ROBO2: variants seen among roughly 807,000 people sequenced by gnomAD.
The protein encoded by ROBO2 is roundabout homolog 2.
A neutral mutation model predicts 160.8 loss-of-function variants in ROBO2; 53 were observed. The observed-to-expected ratio is 0.33, with a 90% confidence interval of 0.26 to 0.41. The LOEUF (loss-of-function observed/expected upper bound fraction) is 0.41, where lower values mean the gene tolerates loss of function less well. ROBO2 is among the 10% of genes least tolerant of loss of function. The pLI, the probability that ROBO2 is intolerant of heterozygous loss-of-function variation, is 1.00. For synonymous variants in ROBO2, 664 were observed against 611.7 expected (o/e 1.09, Z -1.26); for missense variants, 1,577 against 1,722.4 (o/e 0.92, Z 1.49).
intron 2 of ROBO2, among the ~76,000 whole-genome samples, chr3:76,055,593 T>C (rs964775034): frequency 6.6e-6 from 1 of 152,132 alleles, no homozygotes; most frequent in Non-Finnish European, 1.5e-5. Context: ...ATGTGAAATA[T>C]TTGATTTCCT....
intron 2 of ROBO2, among the ~76,000 whole-genome samples, chr3:77,389,563 G>A (rs2074493928): frequency 6.6e-6 from 1 of 151,778 alleles, no homozygotes; most frequent in Admixed American, 6.6e-5. Context: ...TGTTGTTTAA[G>A]GGTCAACAGT....
chr3:76,897,919 T>C (rs1302510892), intron 2 of ROBO2, among the ~76,000 whole-genome samples: 1 of 152,106 alleles, frequency 6.6e-6, no homozygotes, highest in Non-Finnish European at 1.5e-5. Flanking sequence ...TCATAACTGA[T>C]TTGTTGTTTG....
At chr3:76,449,756 C>T (rs1024469528) in intron 2 of ROBO2, among the ~76,000 whole-genome samples, 1 of 152,110 alleles carries the variant, frequency 6.6e-6, no homozygotes, top group Non-Finnish European at 1.5e-5. Flanking sequence ...AGGGCATTTA[C>T]ATTGAAGAGA....
At chr3:77,629,804 A>G (rs1238284025) in intron 23 of ROBO2, 2 of 152,248 alleles carry the variant, frequency 1.3e-5, no homozygotes, top group Non-Finnish European at 2.9e-5. Flanking sequence ...GAATTATAGA[A>G]TAATGAAAAC....
chr3:76,569,753 T>C (rs952499170), intron 2 of ROBO2, among the ~76,000 whole-genome samples: 1 of 152,180 alleles, frequency 6.6e-6, no homozygotes, highest in African/African-American at 2.4e-5. Flanking sequence ...ACTACCATTA[T>C]AGCCACCCCA....
At chr3:76,603,601 A>G (rs2087410979) in intron 2 of ROBO2, among the ~76,000 whole-genome samples, 1 of 151,762 alleles carries the variant, frequency 6.6e-6, no homozygotes, top group Non-Finnish European at 1.5e-5. Context: ...CCAAAATAAA[A>G]CCACTAGAAG....
chr3:76,194,979 G>A (rs1305803778), intron 2 of ROBO2, among the ~76,000 whole-genome samples: 2 of 152,066 alleles, frequency 1.3e-5, no homozygotes, highest in Non-Finnish European at 2.9e-5. Context: ...AAAAGGAGTA[G>A]TTCATTAATA....
Position 76,304,738 on chromosome 3 carries a change from T to TTTCCTTCCTTCCTTCTTTCTTTCTTTC in ROBO2, c.109+367138_109+367139insCCTTCCTTCCTTCTTTCTTTCTTTCTT, listed in dbSNP as rs749689673. Among the ~76,000 whole-genome samples the TTTCCTTCCTTCCTTCTTTCTTTCTTTC allele has an allele frequency of 2.8e-4, 8 of 29,086 alleles. No individual in the cohort carries two copies. The South Asian group carries it at 4.9e-3, about 18-fold the overall frequency. The allele number at this position is 29,086 out of a possible 152,430, so 19.1% of individuals were successfully genotyped here. ...TCTCTTTCTTTCTTTCTTTCTTTTC[T>TTTCCTTCCTTCCTTCTTTCTTTCTTTC]TTTCTTTCCTTCTTTCTTTCTTTCT... On this transcript the variant is annotated intron_variant, in intron 2 of 26. Coordinates refer to the ROBO2 transcript ENST00000487694.
At chr3:77,392,158 A>G (rs928892370) in intron 2 of ROBO2, among the ~76,000 whole-genome samples, 1 of 152,178 alleles carries the variant, frequency 6.6e-6, no homozygotes, top group Non-Finnish European at 1.5e-5. Context: ...AGTGGCTACA[A>G]TAATGAAATT....
At chr3:76,922,531 G>C (rs2076733671) in intron 2 of ROBO2, among the ~76,000 whole-genome samples, 1 of 152,106 alleles carries the variant, frequency 6.6e-6, no homozygotes, top group South Asian at 2.1e-4. Context: ...TTAAGCAGAA[G>C]GGTGAAGAGG....
At chr3:75,997,417 G>A (rs2065759650) in intron 2 of ROBO2, among the ~76,000 whole-genome samples, 1 of 151,780 alleles carries the variant, frequency 6.6e-6, no homozygotes, top group Admixed American at 6.6e-5. Context: ...AGAACTTTTG[G>A]AAATAATTTC....
intron 5 of ROBO2, among the ~76,000 whole-genome samples, chr3:77,494,722 A>T (rs912304127): frequency 3.9e-5 from 6 of 152,234 alleles, no homozygotes; most frequent in Non-Finnish European, 7.3e-5. Flanking sequence ...GTAAACATTC[A>T]TTTCAAAATC....
At chr3:77,251,658 G>T (rs2090361877) in intron 2 of ROBO2, among the ~76,000 whole-genome samples, 1 of 152,094 alleles carries the variant, frequency 6.6e-6, no homozygotes, top group African/African-American at 2.4e-5. Context: ...TCCCATAATT[G>T]TTGTTAGGAG....
chr3:77,057,813 C>T (rs2065908060), intron 1 of ROBO2, among the ~76,000 whole-genome samples: 1 of 151,892 alleles, frequency 6.6e-6, no homozygotes, highest in South Asian at 2.1e-4. Context: ...TCGTGATCCA[C>T]CCACTTCGAC....
intron 2 of ROBO2, among the ~76,000 whole-genome samples, chr3:76,877,007 C>CAT (rs34031051): frequency 0.16 from 24,431 of 151,736 alleles, 2,237 homozygotes; most frequent in South Asian, 0.24. Context: ...TCTACATATG[C>CAT]ATATATATAT....
At chr3:77,423,627 C>G (rs1037935122) in intron 2 of ROBO2, among the ~76,000 whole-genome samples, 2 of 152,126 alleles carry the variant, frequency 1.3e-5, no homozygotes, top group African/African-American at 4.8e-5. Flanking sequence ...TACTTTTCAT[C>G]TGTATGGTCT....
chr3:76,079,191 CA>C (rs1334543451), intron 2 of ROBO2, among the ~76,000 whole-genome samples: 7 of 152,006 alleles, frequency 4.6e-5, no homozygotes, highest in Non-Finnish European at 1.0e-4. Flanking sequence ...TTAATGAGTA[CA>C]AATATGGTTA....
intron 2 of ROBO2, among the ~76,000 whole-genome samples, chr3:76,991,126 C>T (rs541417369): frequency 2.1e-4 from 32 of 152,226 alleles, no homozygotes; most frequent in Middle Eastern, 3.4e-3. Flanking sequence ...ACTTTCACGA[C>T]GGCTCTAAAA....
chr3:77,053,810 T>A (rs2065449493), intron 1 of ROBO2, among the ~76,000 whole-genome samples: 1 of 151,976 alleles, frequency 6.6e-6, no homozygotes, highest in Non-Finnish European at 1.5e-5. Flanking sequence ...AATCTAGAAA[T>A]CTAACTAGAG....
Sources: allele counts gnomAD v4.1 joint callset (sites outside exome capture counted in the v4.1 genomes callset), GRCh38; gene constraint gnomAD v4.1.1; transcripts MANE v1.5; gene names NCBI Gene and HGNC (gene_info 2026-07-23, HGNC 2026-07-21).